TRO: variants seen among roughly 807,000 people sequenced by gnomAD.
TRO encodes the protein MAGE superfamily protein.
Under a neutral mutation model 42.3 loss-of-function variants are expected in TRO, and 29 were observed. The ratio of observed to expected loss-of-function variants is 0.68; its 90% confidence interval spans 0.51 to 0.93. The LOEUF (loss-of-function observed/expected upper bound fraction) is 0.93. Among genes scored for constraint, TRO ranks in the 40% least tolerant of loss-of-function variants. The probability of loss-of-function intolerance (pLI) is 0.00; values close to 1 mark genes in which losing one functional copy is unlikely to be tolerated. For synonymous variants in TRO, 384 were observed against 425.2 expected (o/e 0.90, Z 1.19); for missense variants, 963 against 1,127.7 (o/e 0.85, Z 2.09).
intron 10 of TRO, 154 bp downstream of exon 10, chrX:54,927,259 AG>A (rs1379909554): frequency 1.6e-6 from 1 of 629,345 alleles, no homozygotes; most frequent in African/African-American, 2.2e-5. Context: ...TCCCATGGGC[AG>A]ACCTTTCCAG....
At chrX:54,927,324 G>A in intron 10 of TRO, 1 of 504,685 alleles carries the variant, frequency 2.0e-6, no homozygotes, top group Non-Finnish European at 3.5e-6. Flanking sequence ...TCAGAGCAGA[G>A]GGCCTTAAGA....
chrX:54,922,971 G>A lies in TRO; in HGVS notation c.439G>A (p.Ala147Thr), dbSNP rs1932277639. 8.3e-7 allele frequency: 1 copy of A among 1,210,461 alleles called. No homozygotes were observed. Among genetic ancestry groups the A allele is most frequent in the Admixed American group, 2.2e-5 (1 of 45,830 alleles). Residue 147 changes from alanine (A) to threonine (T), a missense_variant, in exon 3 of 13, where the codon GCC becomes ACC. This residue lies in a region of TRO where 322 missense variants were observed against 316.5 expected (regional missense o/e 1.02). Transcript: ENST00000173898. Reference protein sequence around the residue: ...KKANKMKRVTAKAAQGSQSPT... With the variant: ...KKANKMKRVTTKAAQGSQSPT... Reference sequence around the variant, plus strand: ...AGCCAACAAGATGAAGAGAGTTACTGCCAAGGCAGCCCAAGGCTCCCAATC... The same window carrying A: ...AGCCAACAAGATGAAGAGAGTTACTACCAAGGCAGCCCAAGGCTCCCAATC...
At chrX:54,927,532 T>A (rs1932807792) in intron 10 of TRO, 135 bp from the exon 11 acceptor site, 1 of 475,694 alleles carries the variant, frequency 2.1e-6, no homozygotes, top group Non-Finnish European at 3.6e-6. Context: ...TGGTAGTGAG[T>A]CTGGGGCTGG....
chrX:54,931,412 C>T lies in TRO; in HGVS notation c.*220C>T, dbSNP rs1602164245. On this transcript the variant is annotated 3_prime_UTR_variant, in exon 13 of 13. Coordinates refer to ENST00000173898, the MANE Select transcript of TRO (RefSeq NM_001039705.3). ...CTGTCATATTTTGGTATCAGAGTTACATTAAATTTGCAAAATGAATTGGAG... is the reference window on the plus strand; with the variant it reads ...CTGTCATATTTTGGTATCAGAGTTATATTAAATTTGCAAAATGAATTGGAG... 6 of 1,102,625 alleles carry T rather than the reference C, an allele frequency of 5.4e-6. No homozygotes were observed. In the East Asian group the frequency reaches 1.2e-4, roughly 22 times the overall value. 90.9% of individuals were successfully genotyped at this position (1,102,625 alleles called of 1,213,427 possible).
At chrX:54,928,123 T>C (rs912362697) in intron 11 of TRO, among the ~76,000 whole-genome samples, 30 of 112,656 alleles carry the variant, frequency 2.7e-4, no homozygotes, top group Non-Finnish European at 7.5e-5. Context: ...GGCTTGCAGA[T>C]GGCTGCCTTC....
In TRO at chrX:54,923,552, G is replaced by T. The variant is rs774244646; in HGVS notation, c.1020G>T (p.Gly340=). Residue 340 remains glycine (G), a synonymous_variant, in exon 3 of 13, where the codon GGG becomes GGT. Coordinates refer to ENST00000173898, the MANE Select transcript of TRO (RefSeq NM_001039705.3). The part of the protein sequence containing the change: ...ALAATLRVKR[G]SRARKAATKA... The stretch of plus-strand genomic sequence containing the variant: ...CAGCCACCCTGCGGGTCAAGAGAGG[G>T]TCTAGGGCTCGGAAGGCTGCCACTA... 1.7e-6 allele frequency: 2 copies of T among 1,192,921 alleles called. No homozygotes were observed. The highest frequency in any genetic ancestry group is 2.3e-5 in the Admixed American group (1 of 43,539).
Position 54,929,359 on chromosome X carries a change from T to G in TRO, c.2635T>G (p.Phe879Val). The change falls in exon 12 of 13, where the codon TTC becomes GTC. Residue 879 changes from phenylalanine to valine, a missense_variant. By Grantham distance (50) the Phe-to-Val change is conservative. Around this residue, in one of 2 missense-constraint regions of TRO, gnomAD observed 641 missense variants for 811.3 expected, o/e 0.79. Coordinates refer to ENST00000173898, the MANE Select transcript of TRO (RefSeq NM_001039705.3). ...FGSAPTTSTV[F>V]SSALSTSTGF... ...CAGTGCACCCACAACGAGCACAGTC[T>G]TCAGTAGTGCGCTTAGCACCAGCAC... The G allele has an allele frequency of 8.3e-7, 1 of 1,211,943 alleles. No homozygotes were observed. The highest frequency in any genetic ancestry group is 1.1e-6 in the Non-Finnish European group (1 of 895,506).
chrX:54,926,159 C>A (rs1390811999), intron 7 of TRO, among the ~76,000 whole-genome samples: 1 of 111,911 alleles, frequency 8.9e-6, no homozygotes, highest in Non-Finnish European at 1.9e-5. Flanking sequence ...TTCTTGGCAA[C>A]CTGAGGAAGG....
intron 12 of TRO, 71 bp from the exon 13 acceptor site, chrX:54,931,133 G>C: frequency 1.7e-6 from 2 of 1,195,665 alleles, no homozygotes; most frequent in South Asian, 3.7e-5. Flanking sequence ...GGAAAGGTGA[G>C]GGCAATTAAG....
intron 5 of TRO, 81 bp downstream of exon 5, chrX:54,924,814 G>T (rs925519359): frequency 1.9e-6 from 2 of 1,059,692 alleles, no homozygotes; most frequent in African/African-American, 3.7e-5. Context: ...ACACTTTATG[G>T]CCTCTTTGTT....
rs201365018 is a variant in TRO at position 54,930,612 on chromosome X, T to G, written c.3888T>G (p.Asn1296Lys). The change falls in exon 12 of 13, where the codon AAT becomes AAG. Residue 1296 changes from asparagine (N) to lysine (K), a missense_variant. Physicochemically the swap from Asn to Lys is moderately conservative, Grantham distance 94 (BLOSUM62 0). Around this residue, in one of 2 missense-constraint regions of TRO, gnomAD observed 641 missense variants for 811.3 expected, o/e 0.79. Coordinates refer to ENST00000173898, the MANE Select transcript of TRO (RefSeq NM_001039705.3). Reference sequence around the variant, plus strand: ...GCTTTGGTGGTGGACTGGGCACCAATGCTAGTTTCGGCAGCACACTTGGCA... The same window carrying G: ...GCTTTGGTGGTGGACTGGGCACCAAGGCTAGTTTCGGCAGCACACTTGGCA... ...SDGFGGGLGTNASFGSTLGTS... is the reference protein window; with the variant it reads ...SDGFGGGLGTKASFGSTLGTS... 2.5e-4 allele frequency: 300 copies of G among 1,209,147 alleles called. 1 individual carries two copies. The highest frequency in any genetic ancestry group is 3.0e-4 in the Non-Finnish European group (272 of 894,456).
Position 54,928,837 on chromosome X carries a change from T to G in TRO, c.2113T>G (p.Phe705Val). The change falls in exon 12 of 13, where the codon TTT becomes GTT. Residue 705 changes from phenylalanine (F) to valine (V), a missense_variant. Physicochemically the swap from Phe to Val is conservative, Grantham distance 50. Transcript: ENST00000173898. ...DDAQAWSRFS[F>V]EIEARAQENA... Reference sequence around the variant, plus strand: ...TGCTCAGGCCTGGAGCAGATTTTCATTTGAAATTGAGGCCAGAGCCCAAGA... The same window carrying G: ...TGCTCAGGCCTGGAGCAGATTTTCAGTTGAAATTGAGGCCAGAGCCCAAGA... 1 of 1,211,617 alleles carries G rather than the reference T, an allele frequency of 8.3e-7. No individual in the cohort carries two copies. Among genetic ancestry groups the G allele is most frequent in the Non-Finnish European group, 1.1e-6 (1 of 895,425 alleles).
At chrX:54,927,935 T>C (rs1397990221) in intron 11 of TRO, among the ~76,000 whole-genome samples, 154 bp downstream of exon 11, 3 of 112,911 alleles carry the variant, frequency 2.7e-5, no homozygotes, top group African/African-American at 9.7e-5. Context: ...CTGCTAGATA[T>C]ATAGTTTACA....
In TRO at chrX:54,930,062, T is replaced by G; in HGVS notation, c.3338T>G (p.Leu1113Arg). ...ACCAGTGCTGGCTTCGGTGGGGCAC[T>G]TAGTACCGCTGCTGACTTCGGTGGT... is the stretch of plus-strand genomic sequence containing the variant. ...FSTSAGFGGA[L>R]STAADFGGTP... is the part of the protein sequence containing the mutation. Residue 1113 changes from leucine (L) to arginine (R), a missense_variant, in exon 12 of 13, where the codon CTT becomes CGT. Leu to Arg is a moderately radical substitution (Grantham distance 102). Coordinates refer to ENST00000173898, the MANE Select transcript of TRO (RefSeq NM_001039705.3). 1 of 1,208,757 alleles carries G rather than the reference T, an allele frequency of 8.3e-7. No homozygotes were observed. Among genetic ancestry groups the G allele is most frequent in the Non-Finnish European group, 1.1e-6 (1 of 893,369 alleles).
In TRO at chrX:54,930,270, T is replaced by C; in HGVS notation, c.3546T>C (p.Ala1182=). The C allele has an allele frequency of 8.3e-7, 1 of 1,211,891 alleles. No homozygotes were observed. Among genetic ancestry groups the C allele is most frequent in the Non-Finnish European group, 1.1e-6 (1 of 895,445 alleles). ...PPSTSACFSG[A]TSPSFCDGPS... is the part of the protein sequence containing the mutation. ...GCACCAGTGCCTGCTTTAGTGGTGC[T>C]ACCAGCCCTAGTTTTTGTGATGGAC... Residue 1182 remains alanine (A), a synonymous_variant, in exon 12 of 13, where the codon GCT becomes GCC. Transcript: ENST00000173898.
chrX:54,929,456 G>A lies in TRO; in HGVS notation c.2732G>A (p.Gly911Asp), dbSNP rs1436005668. ...GSPSSSGSFGGTLSTSICFGG... is the reference protein window; with the variant it reads ...GSPSSSGSFGDTLSTSICFGG... ...CCCAGCTCCAGTGGTAGCTTTGGTG[G>A]TACACTCAGTACCAGTATCTGCTTC... Residue 911 changes from glycine (G) to aspartate (D), a missense_variant, in exon 12 of 13, where the codon GGT becomes GAT. Physicochemically the swap from Gly to Asp is moderately conservative, Grantham distance 94. Coordinates refer to ENST00000173898, the MANE Select transcript of TRO (RefSeq NM_001039705.3). 2.5e-6 allele frequency: 3 copies of A among 1,211,855 alleles called. No homozygotes were observed. The highest frequency in any genetic ancestry group is 3.4e-6 in the Non-Finnish European group (3 of 895,491).
chrX:54,923,808 T>G, intron 3 of TRO, 40 bp downstream of exon 3: 2 of 1,128,558 alleles, frequency 1.8e-6, no homozygotes, highest in South Asian at 4.3e-5. Flanking sequence ...TTTGTGCTTC[T>G]TTTCCATTTC....
rs1260860393 is a variant in TRO, at chrX:54,929,602, G to A, written c.2878G>A (p.Asp960Asn). 2 of 1,211,564 alleles carry A rather than the reference G, an allele frequency of 1.7e-6. No homozygotes were observed. Among genetic ancestry groups the A allele is most frequent in the Admixed American group, 2.2e-5 (1 of 46,091 alleles). Reference sequence around the variant, plus strand: ...TACACTAAGTACCAGCATCTGCTTTGATGGCTCTCCCAGCACTGGTGCTGG... The same window carrying A: ...TACACTAAGTACCAGCATCTGCTTTAATGGCTCTCCCAGCACTGGTGCTGG... ...GGTLSTSICF[D>N]GSPSTGAGFG... The change falls in exon 12 of 13, where the codon GAT becomes AAT. Residue 960 changes from aspartate (D) to asparagine (N), a missense_variant. By Grantham distance (23) the Asp-to-Asn change is conservative. Transcript: ENST00000173898.
Position 54,923,169 on chromosome X carries a change from A to C in TRO, c.637A>C (p.Asn213His). Residue 213 changes from asparagine to histidine, a missense_variant, in exon 3 of 13, where the codon AAT becomes CAT. By Grantham distance (68) the Asn-to-His change is moderately conservative. Transcript: ENST00000173898. ...KKASKAKKAA[N>H]KAIASATEVS... is the part of the protein sequence containing the mutation. ...AGCTTCCAAGGCTAAGAAGGCTGCA[A>C]ATAAGGCCATAGCTAGTGCCACCGA... The C allele has an allele frequency of 8.3e-7, 1 of 1,211,731 alleles. No homozygotes were observed.
Sources: gnomAD v4.1 joint callset for allele counts (sites outside exome capture counted in the v4.1 genomes callset) on GRCh38, gnomAD v4.1.1 for gene constraint, gnomAD v4.1.1 regional missense constraint, MANE v1.5 for transcripts, NCBI Gene and HGNC (gene_info 2026-07-23, HGNC 2026-07-21) for gene names.